The following FBXO36 variants were observed in gnomAD, a reference collection of about 807,000 sequenced individuals.
The protein encoded by FBXO36 is F-box only protein 36.
A neutral mutation model predicts 17.0 loss-of-function variants in FBXO36; 18 were observed. The ratio of observed to expected loss-of-function variants is 1.06; its 90% CI spans 0.73 to 1.57. The LOEUF is 1.57. FBXO36 is among the 40% of genes most tolerant of loss of function. The pLI is 0.00. For missense variants in FBXO36, 229 were observed against 221.9 expected, an observed-to-expected ratio of 1.03 and a Z score of -0.20; for synonymous variants, 83 against 85.3, an observed-to-expected ratio of 0.97 and a Z score of 0.15.
chr2:230,003,668 G>A (rs1371763567), intron 3 of FBXO36, among the ~76,000 whole-genome samples: 2 of 152,098 alleles, frequency 1.3e-5, no homozygotes, highest in Non-Finnish European at 2.9e-5. Flanking sequence ...AAGTAGCTGG[G>A]ACTACAAGCA....
chr2:229,980,007 T>C (rs1292649556), intron 2 of FBXO36, among the ~76,000 whole-genome samples: 1 of 152,120 alleles, frequency 6.6e-6, no homozygotes, highest in Non-Finnish European at 1.5e-5. Context: ...AAAGTAAACT[T>C]CCATAAAACA....
chr2:229,962,997 A>C, intron 1 of FBXO36, among the ~76,000 whole-genome samples: 1 of 151,688 alleles, frequency 6.6e-6, no homozygotes, highest in East Asian at 2.0e-4. Flanking sequence ...TTTTTAGGGT[A>C]GCACATAACT....
At chr2:229,965,650 T>C (rs1310621654) in intron 1 of FBXO36, among the ~76,000 whole-genome samples, 1 of 151,966 alleles carries the variant, frequency 6.6e-6, no homozygotes, top group African/African-American at 2.4e-5. Flanking sequence ...CTTGCAATAG[T>C]TTGCTGAGAA....
intron 1 of FBXO36, among the ~76,000 whole-genome samples, chr2:229,958,569 G>A (rs905572898): frequency 6.6e-6 from 1 of 151,886 alleles, no homozygotes; most frequent in Non-Finnish European, 1.5e-5. Context: ...GCACCCTGCC[G>A]AGGGCTCTGA....
At chr2:229,984,469 CA>C (rs2077257150) in intron 2 of FBXO36, among the ~76,000 whole-genome samples, 1 of 146 alleles carries the variant, frequency 6.8e-3, no homozygotes, top group African/African-American at 0.031. Context: ...CGGCTCACTG[CA>C]ACGCCGCTCC....
At chr2:229,942,462 G>C (rs1264236100) in intron 1 of FBXO36, among the ~76,000 whole-genome samples, 2 of 152,138 alleles carry the variant, frequency 1.3e-5, no homozygotes, top group Non-Finnish European at 2.9e-5. Context: ...GTTACCTGTT[G>C]GAGTGAGTCT....
chr2:229,929,790 T>C (rs746766445), intron 1 of FBXO36, among the ~76,000 whole-genome samples: 10 of 151,580 alleles, frequency 6.6e-5, no homozygotes, highest in Non-Finnish European at 1.5e-4. Context: ...ACCCAGGAGG[T>C]GGAGGTTGCA....
Position 230,010,931 on chromosome 2 carries a change from T to C in FBXO36, c.*47T>C. On this transcript the variant is annotated 3_prime_UTR_variant, in exon 4 of 4. Transcript: ENST00000283946. ...GGGAGCTCAGGCATGGCTGTGTTTC[T>C]CTTCAGTGTCCAAATCTCTTCTGTC... The C allele has an allele frequency of 6.6e-7, 1 of 1,523,000 alleles. No homozygotes were observed. The highest frequency in any genetic ancestry group is 8.9e-7 in the Non-Finnish European group (1 of 1,126,472). 94.3% of individuals were successfully genotyped at this position (1,523,000 alleles called of 1,614,324 possible).
intron 1 of FBXO36, among the ~76,000 whole-genome samples, chr2:229,953,089 G>C (rs933680191): frequency 5.9e-5 from 9 of 152,208 alleles, no homozygotes; most frequent in Non-Finnish European, 1.3e-4. Flanking sequence ...TGTAATCCCA[G>C]CACTTCGGGA....
chr2:229,978,089 AAAAACAAAAC>A (rs1176552216), intron 2 of FBXO36, among the ~76,000 whole-genome samples: 1 of 151,912 alleles, frequency 6.6e-6, no homozygotes, highest in African/African-American at 2.4e-5. Context: ...TGGTCTCCAC[AAAAACAAAAC>A]AAAACAAAAC....
At chr2:229,935,433 A>T (rs1392596192) in intron 1 of FBXO36, among the ~76,000 whole-genome samples, 3 of 152,088 alleles carry the variant, frequency 2.0e-5, no homozygotes, top group Non-Finnish European at 4.4e-5. Flanking sequence ...GAATCTCTTG[A>T]ACCTGGGAGG....
intron 1 of FBXO36, among the ~76,000 whole-genome samples, chr2:229,947,463 T>C (rs926397921): frequency 6.6e-6 from 1 of 152,168 alleles, no homozygotes; most frequent in Non-Finnish European, 1.5e-5. Context: ...CAGGGGTCAC[T>C]CCTTGGCCTT....
At chr2:229,948,950 C>T (rs1437515768) in intron 1 of FBXO36, among the ~76,000 whole-genome samples, 1 of 152,212 alleles carries the variant, frequency 6.6e-6, no homozygotes, top group Non-Finnish European at 1.5e-5. Flanking sequence ...TATCCTGCCT[C>T]AGCCTCCCTA....
At chr2:229,939,804 G>T (rs374179812) in intron 1 of FBXO36, among the ~76,000 whole-genome samples, 2 of 152,284 alleles carry the variant, frequency 1.3e-5, no homozygotes, top group East Asian at 1.9e-4. Flanking sequence ...AAGAACCGCC[G>T]GGCGCCGTGG....
chr2:230,002,886 C>T (rs1350822826), intron 3 of FBXO36, among the ~76,000 whole-genome samples: 1 of 151,882 alleles, frequency 6.6e-6, no homozygotes, highest in African/African-American at 2.4e-5. Flanking sequence ...TTTAAATGAC[C>T]GTCTTTCAGT....
chr2:229,965,427 A>G (rs2077146903), intron 1 of FBXO36, among the ~76,000 whole-genome samples: 1 of 150,654 alleles, frequency 6.6e-6, no homozygotes, highest in Non-Finnish European at 1.5e-5. Context: ...TACAACATGC[A>G]GGTTTGTTAC....
In FBXO36 at chr2:230,010,901, C is replaced by G; in HGVS notation, c.*17C>G. On this transcript the variant is annotated 3_prime_UTR_variant, in exon 4 of 4. Coordinates refer to ENST00000283946, the MANE Select transcript of FBXO36 (RefSeq NM_174899.5). ...CAACCTTAGGCACACATTTTCCTAC[C>G]AGCAGGGAGCTCAGGCATGGCTGTG... The G allele has an allele frequency of 1.9e-6, 3 of 1,589,916 alleles. No homozygotes were observed. Among genetic ancestry groups the G allele is most frequent in the Non-Finnish European group, 2.6e-6 (3 of 1,165,760 alleles).
chr2:229,951,948 C>T (rs1189061376), intron 1 of FBXO36, among the ~76,000 whole-genome samples: 1 of 152,124 alleles, frequency 6.6e-6, no homozygotes, highest in Non-Finnish European at 1.5e-5. Flanking sequence ...GACACGAAAG[C>T]TCTCGCCAAG....
intron 1 of FBXO36, among the ~76,000 whole-genome samples, chr2:229,971,768 G>A (rs963362481): frequency 7.9e-5 from 12 of 151,326 alleles, no homozygotes; most frequent in African/African-American, 1.2e-4. Context: ...GGCTCACCAC[G>A]GCCTCAACCT....
Sources: gnomAD v4.1 joint callset for allele counts (sites outside exome capture counted in the v4.1 genomes callset) on GRCh38, gnomAD v4.1.1 for gene constraint, MANE v1.5 for transcripts, NCBI Gene and HGNC (gene_info 2026-07-23, HGNC 2026-07-21) for gene names.